CNTNAP4: variants seen among roughly 807,000 people sequenced by gnomAD.
CNTNAP4 encodes contactin associated protein family member 4.
CNTNAP4 carries 98 observed loss-of-function variants against 148.4 expected under a neutral mutation model. The ratio of observed to expected loss-of-function variants is 0.66; its 90% CI spans 0.56 to 0.78. The LOEUF (loss-of-function observed/expected upper bound fraction) is 0.78, where lower values mean the gene tolerates loss of function less well. Ranked by LOEUF, CNTNAP4 falls within the 30% of genes least tolerant of loss-of-function variation. CNTNAP4 has a pLI of 0.00. For missense variants in CNTNAP4, 1,935 were observed against 1,565.6 expected (o/e 1.24, Z -3.98); for synonymous variants, 730 against 565.1 (o/e 1.29, Z -4.14).
At chr16:76,423,484 G>A (rs1286721365) in intron 3 of CNTNAP4, among the ~76,000 whole-genome samples, 1 of 152,046 alleles carries the variant, frequency 6.6e-6, no homozygotes, top group Non-Finnish European at 1.5e-5. Context: ...AAATGTCCCT[G>A]TAATAAAATT....
intron 15 of CNTNAP4, among the ~76,000 whole-genome samples, chr16:76,511,539 G>T (rs1193242102): frequency 6.6e-6 from 1 of 152,076 alleles, no homozygotes; most frequent in Non-Finnish European, 1.5e-5. Flanking sequence ...AAAAAAGTGA[G>T]GATCAATTCC....
rs779871345 is a variant in CNTNAP4 at position 76,553,479 on chromosome 16, G to A, written c.3639G>A (p.Arg1213=). The A allele has an allele frequency of 1.2e-6, 2 of 1,611,604 alleles. No individual in the cohort carries two copies. Among genetic ancestry groups the A allele is most frequent in the Non-Finnish European group, 1.7e-6 (2 of 1,178,794 alleles). The change falls in exon 22 of 24, where the codon AGG becomes AGA. Residue 1213 remains arginine (R), a synonymous_variant. Transcript: ENST00000611870. ...AGCCTGGCACTGATGCCACATCAAG[G>A]GAAAGGACACACTCGTTTGCAGGTG... ...MAQPGTDATS[R]ERTHSFADHS...
chr16:76,382,800 C>G (rs1357986198), intron 3 of CNTNAP4, among the ~76,000 whole-genome samples: 1 of 152,114 alleles, frequency 6.6e-6, no homozygotes, highest in Non-Finnish European at 1.5e-5. Flanking sequence ...CAGTAAAAGA[C>G]TGGATCCAAA....
chr16:76,344,830 G>T (rs1964771867), intron 2 of CNTNAP4, among the ~76,000 whole-genome samples: 1 of 152,132 alleles, frequency 6.6e-6, no homozygotes. Context: ...CAGATTTTCT[G>T]ATTTCCTAAC....
intron 3 of CNTNAP4, among the ~76,000 whole-genome samples, chr16:76,371,570 C>T (rs545358166): frequency 6.6e-6 from 1 of 152,296 alleles, no homozygotes; most frequent in South Asian, 2.1e-4. Context: ...CAGGCATGAG[C>T]CACCACACCT....
chr16:76,498,502 G>C, intron 14 of CNTNAP4, 65 bp from the exon 15 acceptor site: 3 of 1,449,688 alleles, frequency 2.1e-6, no homozygotes, highest in African/African-American at 1.4e-5. Flanking sequence ...GAACATCTTG[G>C]TTTTGCAATG....
Position 76,538,215 on chromosome 16 carries a change from A to G in CNTNAP4, c.3095A>G (p.His1032Arg), listed in dbSNP as rs2084297595. 2.5e-6 allele frequency: 4 copies of G among 1,609,852 alleles called. No individual in the cohort carries two copies. The highest frequency in any genetic ancestry group is 2.2e-5 in the East Asian group (1 of 44,610). The part of the protein sequence containing the change: ...KNSSSHAASF[H>R]GDMKLSREMI... Reference sequence around the variant, plus strand: ...TCCAGCTCCCACGCTGCTTCATTTCATGGTGATATGAAGCTGAGCAGAGAA... The same window carrying G: ...TCCAGCTCCCACGCTGCTTCATTTCGTGGTGATATGAAGCTGAGCAGAGAA... Residue 1032 changes from histidine (H) to arginine (R), a missense_variant, in exon 19 of 24, where the codon CAT becomes CGT. Transcript: ENST00000611870.
intron 3 of CNTNAP4, among the ~76,000 whole-genome samples, chr16:76,395,736 G>GT (rs34841541): frequency 1.1e-3 from 168 of 148,212 alleles, no homozygotes; most frequent in African/African-American, 2.5e-3. Context: ...TCTCTGGATG[G>GT]TTTTTTTTTT....
intron 3 of CNTNAP4, among the ~76,000 whole-genome samples, chr16:76,406,646 A>G (rs1395784652): frequency 6.6e-6 from 1 of 152,182 alleles, no homozygotes; most frequent in Non-Finnish European, 1.5e-5. Context: ...AAGAAAGTGA[A>G]ATAACCCTAT....
chr16:76,464,163 G>A (rs779342659), intron 9 of CNTNAP4, among the ~76,000 whole-genome samples: 70 of 152,264 alleles, frequency 4.6e-4, no homozygotes, highest in Middle Eastern at 3.4e-3. Context: ...AGGTTAAGGC[G>A]ATCCATCTTC....
rs969276932 is a variant in CNTNAP4, at chr16:76,494,983, T to C, written c.2154T>C (p.Asp718=). 2 of 1,613,534 alleles carry C rather than the reference T, an allele frequency of 1.2e-6. No individual in the cohort carries two copies. Among genetic ancestry groups the C allele is most frequent in the Non-Finnish European group, 1.7e-6 (2 of 1,179,666 alleles). The change falls in exon 14 of 24, where the codon GAT becomes GAC. Residue 718 remains aspartate (D), a synonymous_variant. Coordinates refer to ENST00000611870, the MANE Select transcript of CNTNAP4 (RefSeq NM_033401.5). ...CCTACTGGGGAGGTTCTTCGCCTGA[T>C]CTTCAAAAATGTACTTGTGGATTAG... ...TQTYWGGSSP[D]LQKCTCGLEG...
chr16:76,331,824 G>A (rs183860157), intron 2 of CNTNAP4, among the ~76,000 whole-genome samples: 3 of 152,148 alleles, frequency 2.0e-5, no homozygotes, highest in East Asian at 1.9e-4. Flanking sequence ...TGTTCTTTAC[G>A]TGGCTTTGCA....
rs150219662 is a variant in CNTNAP4, at chr16:76,324,629, T to A, written c.196+8106T>A. On this transcript the variant is annotated intron_variant, in intron 2 of 23. Transcript: ENST00000611870. ...CTCAAGGTGACGGTAGAGTCTAGCA[T>A]GGTGTCTGGCTATATGAATAATTAA... Among the ~76,000 whole-genome samples, 414 of 152,306 alleles carry A rather than the reference T, an allele frequency of 2.7e-3. 2 individuals carry two copies. Among genetic ancestry groups the A allele is most frequent in the African/African-American group, 9.5e-3 (393 of 41,552 alleles).
At chr16:76,329,773 C>G (rs1379229106) in intron 2 of CNTNAP4, among the ~76,000 whole-genome samples, 1 of 151,992 alleles carries the variant, frequency 6.6e-6, no homozygotes, top group Non-Finnish European at 1.5e-5. Flanking sequence ...ATAAAAGGGA[C>G]ACATAAAATA....
chr16:76,550,939 G>A (rs955375800), intron 21 of CNTNAP4, among the ~76,000 whole-genome samples: 2 of 151,938 alleles, frequency 1.3e-5, no homozygotes, highest in Non-Finnish European at 2.9e-5. Flanking sequence ...GAGCAAGGTG[G>A]GTCAGAACAT....
At chr16:76,384,513 A>G (rs1365195677) in intron 3 of CNTNAP4, among the ~76,000 whole-genome samples, 1 of 152,176 alleles carries the variant, frequency 6.6e-6, no homozygotes, top group Non-Finnish European at 1.5e-5. Context: ...GCCAGCTCTG[A>G]TAAAGTGCCA....
chr16:76,339,788 A>C (rs184826879), intron 2 of CNTNAP4, among the ~76,000 whole-genome samples: 131 of 152,362 alleles, frequency 8.6e-4, no homozygotes, highest in African/African-American at 2.9e-3. Flanking sequence ...TGAGCAGTTC[A>C]CAAGTTTTGG....
At chr16:76,535,314 A>G (rs1443839337) in intron 17 of CNTNAP4, among the ~76,000 whole-genome samples, 1 of 152,186 alleles carries the variant, frequency 6.6e-6, no homozygotes, top group African/African-American at 2.4e-5. Flanking sequence ...CAATTTAAAG[A>G]TCAATAAATA....
At chr16:76,364,387 A>T (rs560372163) in intron 3 of CNTNAP4, among the ~76,000 whole-genome samples, 11 of 152,264 alleles carry the variant, frequency 7.2e-5, no homozygotes, top group African/African-American at 2.6e-4. Context: ...TTATTTGAAG[A>T]GAGGGACTAG....
Sources: allele counts gnomAD v4.1 joint callset (sites outside exome capture counted in the v4.1 genomes callset), GRCh38; gene constraint gnomAD v4.1.1; transcripts MANE v1.5; gene names NCBI Gene and HGNC (gene_info 2026-07-23, HGNC 2026-07-21).